Variants in EPB41L5 observed in about 807,000 individuals in gnomAD.
EPB41L5 encodes the protein band 4.1-like protein 5.
Under a neutral mutation model 106.6 loss-of-function variants are expected in EPB41L5, and 55 were observed. The ratio of observed to expected loss-of-function variants is 0.52; its 90% CI spans 0.42 to 0.65. The LOEUF is 0.65. Ranked by LOEUF, EPB41L5 falls within the 30% of genes least tolerant of loss-of-function variation. EPB41L5 has a pLI of 0.00. For missense variants in EPB41L5, 871 were observed against 882.1 expected (o/e 0.99, Z 0.16); for synonymous variants, 297 against 306.7 (o/e 0.97, Z 0.33).
At chr2:120,062,581 A>C (rs1011450388) in intron 3 of EPB41L5, among the ~76,000 whole-genome samples, 4 of 152,182 alleles carry the variant, frequency 2.6e-5, no homozygotes, top group African/African-American at 7.2e-5. Context: ...CAGTGTATGA[A>C]AGTAACAGTA....
intron 16 of EPB41L5, chr2:120,105,709 A>G (rs1441283106): frequency 2.4e-5 from 24 of 985,272 alleles, no homozygotes; most frequent in Non-Finnish European, 2.9e-5. Flanking sequence ...CTTTAAGCCC[A>G]TCATCGTTTA....
intron 9 of EPB41L5, among the ~76,000 whole-genome samples, chr2:120,077,587 A>G (rs933485769): frequency 6.6e-6 from 1 of 152,096 alleles, no homozygotes. Flanking sequence ...TTTTTTTGCT[A>G]TAAAAAATTG....
At chr2:120,167,830 G>T in intron 23 of EPB41L5, 47 bp from the exon 24 acceptor site, 1 of 1,610,816 alleles carries the variant, frequency 6.2e-7, no homozygotes, top group South Asian at 1.1e-5. Context: ...GTGCTGACCA[G>T]GCAGGTATTG....
At chr2:120,051,766 C>T (rs1355096671) in intron 3 of EPB41L5, among the ~76,000 whole-genome samples, 1 of 152,170 alleles carries the variant, frequency 6.6e-6, no homozygotes. Flanking sequence ...CCTGTCTTCT[C>T]TCTACACTGG....
In EPB41L5 at chr2:120,075,465, A is replaced by T. The variant is rs768780457; in HGVS notation, c.408-11A>T. On this transcript the variant is annotated splice_polypyrimidine_tract_variant and intron_variant, in intron 5 of 24. Transcript: ENST00000263713. ...CTGTTGGGTTAAATTTGTGCCTTTCATTTTTCTTAGGTATTTATTTGTTCT... is the reference window on the plus strand; with the variant it reads ...CTGTTGGGTTAAATTTGTGCCTTTCTTTTTTCTTAGGTATTTATTTGTTCT... 6.4e-7 allele frequency: 1 copy of T among 1,572,830 alleles called. No homozygotes were observed.
chr2:120,078,382 G>C, intron 9 of EPB41L5, 111 bp from the exon 10 acceptor site: 5 of 514,480 alleles, frequency 9.7e-6, no homozygotes, highest in Non-Finnish European at 1.7e-5. Context: ...ATTAATATTA[G>C]CCTGTATATA....
intron 16 of EPB41L5, among the ~76,000 whole-genome samples, chr2:120,127,061 T>C (rs1262508872): frequency 3.3e-5 from 5 of 152,236 alleles, no homozygotes; most frequent in Non-Finnish European, 1.5e-5. Flanking sequence ...TACTCATTTT[T>C]CATGTATAGA....
At chr2:120,167,208 A>C (rs1352605494) in intron 22 of EPB41L5, among the ~76,000 whole-genome samples, 1 of 152,220 alleles carries the variant, frequency 6.6e-6, no homozygotes, top group Admixed American at 6.5e-5. Context: ...AAGTAGTAAT[A>C]GATTCTTGAA....
In EPB41L5 at chr2:120,067,089, T is replaced by C. The variant is rs1368085346; in HGVS notation, c.286-6089T>C. ...AAGATTAAAGATTGCTAGATTGAAA[T>C]AGGCTTAAAAGTAGATGTCCAACTG... On this transcript the variant is annotated intron_variant, in intron 3 of 24. Transcript: ENST00000263713. 2.0e-5 allele frequency among the ~76,000 whole-genome samples: 3 copies of C among 152,338 alleles called. No homozygotes were observed. In the East Asian group the frequency reaches 5.8e-4, roughly 29 times the overall value.
chr2:120,138,105 C>T (rs1686007215), intron 18 of EPB41L5, among the ~76,000 whole-genome samples: 1 of 151,924 alleles, frequency 6.6e-6, no homozygotes, highest in Admixed American at 6.6e-5. Context: ...AGGACAAAAA[C>T]CATATGATCA....
intron 3 of EPB41L5, among the ~76,000 whole-genome samples, chr2:120,051,368 C>T (rs1201529291): frequency 6.6e-6 from 1 of 152,196 alleles, no homozygotes; most frequent in East Asian, 1.9e-4. Context: ...GTGCCCCTCC[C>T]CCAGCCTCGC....
chr2:120,133,212 A>G (rs1345143230), intron 18 of EPB41L5, among the ~76,000 whole-genome samples: 2 of 152,216 alleles, frequency 1.3e-5, no homozygotes, highest in East Asian at 1.9e-4. Flanking sequence ...ATGGCCAAAT[A>G]TAACCCTCCA....
chr2:120,094,791 T>C (rs1054297383), intron 14 of EPB41L5, among the ~76,000 whole-genome samples: 1 of 152,220 alleles, frequency 6.6e-6, no homozygotes, highest in African/African-American at 2.4e-5. Flanking sequence ...TTCTAACTTG[T>C]GATTTCTTCT....
At chr2:120,075,642 T>A in intron 6 of EPB41L5, 59 bp from the exon 7 acceptor site, 1 of 1,472,682 alleles carries the variant, frequency 6.8e-7, no homozygotes, top group Non-Finnish European at 9.5e-7. Context: ...TATTTTCATT[T>A]GTCTTAAAAT....
rs59127202 is a variant in EPB41L5, at chr2:120,152,323, A to T, written c.1793+6034A>T. Among the ~76,000 whole-genome samples the T allele has an allele frequency of 5.1e-3, 783 of 152,198 alleles. 4 individuals are homozygous for T. The highest frequency in any genetic ancestry group is 0.018 in the African/African-American group (754 of 41,516). Reference sequence around the variant, plus strand: ...TCTGTTAATATGGTGTGGTTTTCTGATGTTGAACCACTCTTGTGAACTTCT... The same window carrying T: ...TCTGTTAATATGGTGTGGTTTTCTGTTGTTGAACCACTCTTGTGAACTTCT... On this transcript the variant is annotated intron_variant, in intron 20 of 24. Coordinates refer to ENST00000263713, the MANE Select transcript of EPB41L5 (RefSeq NM_020909.4).
Position 120,078,525 on chromosome 2 carries a change from A to T in EPB41L5, c.747A>T (p.Leu249=). Residue 249 remains leucine (L), a synonymous_variant, in exon 10 of 25, where the codon CTA becomes CTT. Coordinates refer to ENST00000263713, the MANE Select transcript of EPB41L5 (RefSeq NM_020909.4). ...ATGGGAATGACTATAGTTTGGGACT[A>T]ACACCAACAGGAGTCCTTGTTTTTG... ...ARDGNDYSLG[L]TPTGVLVFEG... is the part of the protein sequence containing the mutation. 6.2e-7 allele frequency: 1 copy of T among 1,609,980 alleles called. No individual in the cohort carries two copies. The highest frequency in any genetic ancestry group is 8.5e-7 in the Non-Finnish European group (1 of 1,178,074).
At chr2:120,125,839 A>C (rs537518808) in intron 16 of EPB41L5, among the ~76,000 whole-genome samples, 1 of 152,136 alleles carries the variant, frequency 6.6e-6, no homozygotes. Flanking sequence ...ACTTTGTCTC[A>C]GTAAGATGTT....
chr2:120,063,636 C>T (rs942965740), intron 3 of EPB41L5, among the ~76,000 whole-genome samples: 1 of 151,976 alleles, frequency 6.6e-6, no homozygotes, highest in East Asian at 1.9e-4. Flanking sequence ...ACCCCTGAAT[C>T]TAAAATAAAG....
intron 18 of EPB41L5, among the ~76,000 whole-genome samples, chr2:120,140,620 G>A (rs1457294125): frequency 6.6e-6 from 1 of 151,996 alleles, no homozygotes; most frequent in Non-Finnish European, 1.5e-5. Flanking sequence ...CTGATGTGAT[G>A]CACAAAGGAC....
Sources: gnomAD v4.1 joint callset for allele counts (sites outside exome capture counted in the v4.1 genomes callset) on GRCh38, gnomAD v4.1.1 for gene constraint, MANE v1.5 for transcripts, NCBI Gene and HGNC (gene_info 2026-07-23, HGNC 2026-07-21) for gene names.